Variants in C16orf96 observed in about 807,000 individuals in gnomAD.
C16orf96 encodes the protein chromosome 16 open reading frame 96, also known as uncharacterized protein C16orf96.
In C16orf96, 108 loss-of-function variants were observed where a neutral mutation model predicts 103.6. The ratio of observed to expected loss-of-function variants is 1.04; its 90% CI spans 0.89 to 1.22. The LOEUF is 1.22. Among genes scored for constraint, C16orf96 ranks in the 50% most tolerant of loss-of-function variants. C16orf96 has a pLI of 0.00. For synonymous variants in C16orf96, 566 were observed against 593.5 expected (o/e 0.95, Z 0.67); for missense variants, 1,586 against 1,464.2 (o/e 1.08, Z -1.36).
At chr16:4,549,463 A>G in the C16orf96 span, among the ~76,000 whole-genome samples, 2 of 140,020 alleles carry the variant, frequency 1.4e-5, no homozygotes, top group Non-Finnish European at 3.0e-5. Flanking sequence ...ACAGAGCAAG[A>G]CTCTGTCTAA....
chr16:4,556,855 G>A lies in C16orf96; in HGVS notation c.366G>A (p.Trp122Ter), dbSNP rs1486996581. Residue 122 changes from tryptophan to a stop codon, truncating the protein, a stop_gained, in exon 1 of 16, where the codon TGG (tryptophan) becomes TGA (stop). Transcript: ENST00000444310. LOFTEE classifies it high-confidence loss of function. Reference protein sequence around the residue: ...QGTARPVQDLWHLIKLRKMVE... With the variant: ...QGTARPVQDL The stretch of plus-strand genomic sequence containing the variant: ...CTGCCCGGCCCGTCCAGGACCTGTG[G>A]CATCTGATCAAGCTCCGGAAGATGG... 1.3e-6 allele frequency: 2 copies of A among 1,551,160 alleles called. No homozygotes were observed. The highest frequency in any genetic ancestry group is 1.4e-5 in the African/African-American group (1 of 73,052).
chr16:4,556,282 C>T (rs114589988), upstream of C16orf96, among the ~76,000 whole-genome samples: 137 of 152,264 alleles, frequency 9.0e-4, 2 homozygotes, highest in African/African-American at 3.1e-3. Flanking sequence ...GAATTGCGCC[C>T]GTTTCATCAC....
chr16:4,545,538 C>T, the C16orf96 span, among the ~76,000 whole-genome samples: 34 of 152,098 alleles, frequency 2.2e-4, no homozygotes, highest in East Asian at 3.9e-4. Context: ...TAGCCAGAAT[C>T]GCCCCTGCAT....
intron 2 of C16orf96, among the ~76,000 whole-genome samples, chr16:4,573,548 C>T (rs1214346943): frequency 2.7e-5 from 4 of 150,726 alleles, no homozygotes; most frequent in Non-Finnish European, 5.9e-5. Context: ...GTCAGGAGAT[C>T]GAGACCATCC....
chr16:4,582,965 G>A lies in C16orf96; in HGVS notation c.2352+2840G>A, dbSNP rs1008544342. ...AAGATTTCATTGCTGGCCAGGCTCG[G>A]TGGCTCACGCCTGTAATCCCAGCAC... On this transcript the variant is annotated intron_variant, in intron 7 of 15. Coordinates refer to ENST00000444310, the MANE Select transcript of C16orf96 (RefSeq NM_001145011.2). Among the ~76,000 whole-genome samples, 4 of 152,306 alleles carry A rather than the reference G, an allele frequency of 2.6e-5. No homozygotes were observed. The East Asian group carries it at 7.7e-4, about 29-fold the overall frequency.
chr16:4,539,541 C>T, the C16orf96 span, among the ~76,000 whole-genome samples: 15 of 152,120 alleles, frequency 9.9e-5, no homozygotes, highest in East Asian at 3.9e-4. Flanking sequence ...AAAAATTAGC[C>T]GGGTATGGTG....
intron 2 of C16orf96, among the ~76,000 whole-genome samples, chr16:4,573,391 A>G: frequency 7.1e-6 from 1 of 140,992 alleles, no homozygotes; most frequent in Non-Finnish European, 1.5e-5. Flanking sequence ...GTGAGCCAAG[A>G]TTGCGCCACT....
Position 4,600,567 on chromosome 16 carries a change from G to A in C16orf96, c.*250G>A, listed in dbSNP as rs1446628682. 2 of 418,910 alleles carry A rather than the reference G, an allele frequency of 4.8e-6. No homozygotes were observed. The highest frequency in any genetic ancestry group is 9.5e-5 in the East Asian group (2 of 21,002). 25.9% of individuals were successfully genotyped at this position (418,910 alleles called of 1,614,324 possible). On this transcript the variant is annotated 3_prime_UTR_variant, in exon 16 of 16. Coordinates refer to ENST00000444310, the MANE Select transcript of C16orf96 (RefSeq NM_001145011.2). The stretch of plus-strand genomic sequence containing the variant: ...GCCCCCCCCACCCCCACCAAGTCCC[G>A]TCCCCGGCTGAGACCCAGGGCCCTG...
the C16orf96 span, among the ~76,000 whole-genome samples, chr16:4,549,472 A>G: frequency 2.3e-5 from 2 of 88,420 alleles, no homozygotes; most frequent in Non-Finnish European, 4.8e-5. Flanking sequence ...GACTCTGTCT[A>G]AAAAAAAAAA....
chr16:4,579,904 C>A, intron 6 of C16orf96, 111 bp from the exon 7 acceptor site: 1 of 901,500 alleles, frequency 1.1e-6, no homozygotes. Context: ...AGCCACCACG[C>A]CCAGCCTGGT....
At chr16:4,584,886 G>C (rs1896883765) in intron 7 of C16orf96, among the ~76,000 whole-genome samples, 1 of 152,058 alleles carries the variant, frequency 6.6e-6, no homozygotes, top group Non-Finnish European at 1.5e-5. Context: ...GGCTAGGCTG[G>C]TCTCGAACTC....
At chr16:4,596,013 C>T (rs187192604) in intron 14 of C16orf96, among the ~76,000 whole-genome samples, 27 of 152,170 alleles carry the variant, frequency 1.8e-4, no homozygotes, top group East Asian at 1.6e-3. Flanking sequence ...TTCTTGCCAA[C>T]GCTGTGCCTC....
the C16orf96 span, among the ~76,000 whole-genome samples, chr16:4,546,457 CTT>C: frequency 6.7e-5 from 7 of 104,540 alleles, no homozygotes; most frequent in Non-Finnish European, 3.7e-5. Flanking sequence ...CGCGCCCGGA[CTT>C]TTTTTTTTTT....
At chr16:4,598,668 C>T (rs1897224319) in intron 14 of C16orf96, among the ~76,000 whole-genome samples, 1 of 152,184 alleles carries the variant, frequency 6.6e-6, no homozygotes, top group Non-Finnish European at 1.5e-5. Flanking sequence ...CATTTAGGTG[C>T]TCTGGCCCCC....
At chr16:4,549,883 T>G in the C16orf96 span, among the ~76,000 whole-genome samples, 268 of 152,258 alleles carry the variant, frequency 1.8e-3, no homozygotes, top group Non-Finnish European at 1.3e-3. Context: ...TTCCACAATT[T>G]GAAGCTTCCT....
intron 1 of C16orf96, among the ~76,000 whole-genome samples, chr16:4,559,123 C>G (rs765881839): frequency 6.6e-6 from 1 of 152,016 alleles, no homozygotes; most frequent in Non-Finnish European, 1.5e-5. Flanking sequence ...CTTCCTATCC[C>G]TGGAGGCAGC....
the C16orf96 span, among the ~76,000 whole-genome samples, chr16:4,547,293 C>T: frequency 2.0e-5 from 3 of 152,214 alleles, no homozygotes; most frequent in African/African-American, 7.2e-5. Flanking sequence ...CCCACCACCA[C>T]ACCCAGCTAA....
the C16orf96 span, among the ~76,000 whole-genome samples, chr16:4,539,031 C>A: frequency 2.6e-5 from 4 of 152,200 alleles, no homozygotes; most frequent in South Asian, 6.2e-4. Context: ...GGGCATCTTC[C>A]TCCAGGGCTG....
At chr16:4,595,994 A>G (rs1425345344) in intron 14 of C16orf96, among the ~76,000 whole-genome samples, 1 of 152,070 alleles carries the variant, frequency 6.6e-6, no homozygotes, top group Non-Finnish European at 1.5e-5. Flanking sequence ...GCCCACCGGC[A>G]GAAATTCTTT....
Sources: allele counts gnomAD v4.1 joint callset (sites outside exome capture counted in the v4.1 genomes callset), GRCh38; gene constraint gnomAD v4.1.1; transcripts MANE v1.5; gene names NCBI Gene and HGNC (gene_info 2026-07-23, HGNC 2026-07-21).